Variants in ZNF577 observed in about 807,000 individuals in gnomAD.
ZNF577 encodes the protein zinc finger protein 577.
In ZNF577, 14 loss-of-function variants were observed where a neutral mutation model predicts 13.9. The observed-to-expected ratio is 1.00, with a 90% CI of 0.66 to 1.57. The LOEUF is 1.57. ZNF577 is among the 40% of genes most tolerant of loss of function. ZNF577 has a pLI of 0.00. For synonymous variants in ZNF577, 203 were observed against 202.9 expected (o/e 1.00, Z 0.00); for missense variants, 555 against 579.2 (o/e 0.96, Z 0.43).
In ZNF577 at chr19:51,828,645, A is replaced by AT. The variant is rs935710777; in HGVS notation, c.*599+11247dup. 2.7e-4 allele frequency among the ~76,000 whole-genome samples: 41 copies of AT among 150,606 alleles called. No individual in the cohort carries two copies. In the South Asian group the frequency reaches 3.6e-3, roughly 13 times the overall value. ...TATATTGTGGGTTCAGGAAACTGAG[A>AT]TTTTTTTTTTAAAGTTATGGGACAG... is the stretch of plus-strand genomic sequence containing the variant. On this transcript the variant is annotated intron_variant and NMD_transcript_variant, in intron 9 of 10. Transcript: ENST00000638827.
At chr19:51,834,804 CT>C (rs2084280185) in intron 9 of ZNF577, among the ~76,000 whole-genome samples, 1 of 152,160 alleles carries the variant, frequency 6.6e-6, no homozygotes, top group Non-Finnish European at 1.5e-5. Flanking sequence ...CTGCCTCAGC[CT>C]CCTGAATGGC....
intron 9 of ZNF577, among the ~76,000 whole-genome samples, chr19:51,837,456 T>G (rs2084294253): frequency 6.6e-6 from 1 of 152,164 alleles, no homozygotes; most frequent in African/African-American, 2.4e-5. Flanking sequence ...CTGTATGACC[T>G]CTAGACAGCA....
rs762362313 is a variant in ZNF577, at chr19:51,872,759, TCA to T, written c.1229_1230del (p.Val410GlufsTer20). On this transcript the variant is annotated frameshift_variant, in exon 6 of 6. Transcript: ENST00000638348. LOFTEE classifies it low-confidence loss of function (END_TRUNC). ...GAAGGCATTTCTATAGGTACTGTGT[TCA>T]CAGTCTTTTGCTCTTGTATGAGTTC... ...MSELIQEQKT[V>X]NTVPIEMPSS... The T allele has an allele frequency of 3.1e-6, 5 of 1,614,204 alleles. No homozygotes were observed. The highest frequency in any genetic ancestry group is 1.3e-5 in the African/African-American group (1 of 75,064).
chr19:51,872,814 T>C lies in ZNF577; in HGVS notation c.1176A>G (p.Ser392=), dbSNP rs780750137. ...TCATGTATAAGGAGGTATGACTCCT[T>C]GAGGAAGGTTTCTCCACCGTCAGTG... ...INSLTVEKPS[S]RSHTSLYMSE... is the part of the protein sequence containing the mutation. Residue 392 remains serine, a synonymous_variant, in exon 6 of 6, where the codon TCA becomes TCG. Transcript: ENST00000638348. The C allele has an allele frequency of 6.2e-6, 10 of 1,614,208 alleles. No individual in the cohort carries two copies. The highest frequency in any genetic ancestry group is 8.5e-6 in the Non-Finnish European group (10 of 1,180,028).
intron 5 of ZNF577, chr19:51,860,789 G>T: frequency 3.5e-6 from 1 of 288,908 alleles, no homozygotes; most frequent in South Asian, 3.0e-5. Flanking sequence ...GCTATAACAA[G>T]AAAGATAAAC....
intron 9 of ZNF577, among the ~76,000 whole-genome samples, chr19:51,834,801 A>G (rs1158753157): frequency 6.6e-6 from 1 of 152,128 alleles, no homozygotes; most frequent in East Asian, 1.9e-4. Context: ...CTCCTGCCTC[A>G]GCCTCCTGAA....
intron 9 of ZNF577, among the ~76,000 whole-genome samples, chr19:51,837,652 G>C (rs947893955): frequency 1.3e-5 from 2 of 151,964 alleles, no homozygotes; most frequent in Admixed American, 1.3e-4. Flanking sequence ...TGACGTTCTA[G>C]ATTACAAATA....
rs576420968 is a variant in ZNF577, at chr19:51,869,119, C to G, written c.*3413G>C. 6.6e-6 allele frequency among the ~76,000 whole-genome samples: 1 copy of G among 152,190 alleles called. No individual in the cohort carries two copies. The highest frequency in any genetic ancestry group is 2.1e-4 in the South Asian group (1 of 4,804). On this transcript the variant is annotated 3_prime_UTR_variant, in exon 6 of 6. Transcript: ENST00000638348. ...GGAAAGACCTGACCGTCCCCAAGCC[C>G]GATACCCATAAAGGGTCTGTGCTGA... is the stretch of plus-strand genomic sequence containing the variant.
chr19:51,867,370 G>A lies in ZNF577; in HGVS notation c.*5162C>T, dbSNP rs1318699114. Among the ~76,000 whole-genome samples, 3 of 151,862 alleles carry A rather than the reference G, an allele frequency of 2.0e-5. No homozygotes were observed. The highest frequency in any genetic ancestry group is 4.2e-4 in the South Asian group (2 of 4,808). On this transcript the variant is annotated 3_prime_UTR_variant, in exon 6 of 6. Transcript: ENST00000638348. ...ATTGTCTTTTCTGATTCTGAACATC[G>A]GACAAAAGATCTCTTTTCAAGAGAA...
rs1294534812 is a variant in ZNF577 at position 51,870,971 on chromosome 19, CAGG to C, written c.*1558_*1560del. Among the ~76,000 whole-genome samples the C allele has an allele frequency of 6.6e-6, 1 of 152,014 alleles. No homozygotes were observed. Among genetic ancestry groups the C allele is most frequent in the African/African-American group, 2.4e-5 (1 of 41,376 alleles). ...GTGCATCTTTTTTAGATATTTAAGG[CAGG>C]AGATTATATACATTAGACATTTACT... On this transcript the variant is annotated 3_prime_UTR_variant, in exon 6 of 6. Coordinates refer to ENST00000638348, the MANE Select transcript of ZNF577 (RefSeq NM_001370449.1).
intron 5 of ZNF577, among the ~76,000 whole-genome samples, chr19:51,848,197 G>T (rs112670199): frequency 2.6e-5 from 4 of 152,086 alleles, no homozygotes; most frequent in African/African-American, 9.7e-5. Context: ...GTAGGATTTC[G>T]GCACTTTCAA....
intron 5 of ZNF577, among the ~76,000 whole-genome samples, chr19:51,848,799 T>C (rs1467168783): frequency 6.6e-6 from 1 of 152,218 alleles, no homozygotes; most frequent in Admixed American, 6.5e-5. Flanking sequence ...TTATTTAAAG[T>C]TGATCTCTTC....
chr19:51,865,208 A>G (rs964258095), downstream of ZNF577, among the ~76,000 whole-genome samples: 11 of 152,088 alleles, frequency 7.2e-5, no homozygotes, highest in African/African-American at 2.7e-4. Context: ...GTGATTCTCC[A>G]ACCGCACCTC....
At chr19:51,845,428 A>G (rs148749562) in intron 5 of ZNF577, among the ~76,000 whole-genome samples, 1 of 152,070 alleles carries the variant, frequency 6.6e-6, no homozygotes, top group Non-Finnish European at 1.5e-5. Flanking sequence ...GGTGGAGGTT[A>G]TGGTCAGCGA....
chr19:51,875,859 A>G (rs571191630), intron 5 of ZNF577, among the ~76,000 whole-genome samples: 1 of 152,376 alleles, frequency 6.6e-6, no homozygotes, highest in East Asian at 1.9e-4. Flanking sequence ...ACCATGGCCT[A>G]CTGTGAAGTG....
intron 5 of ZNF577, chr19:51,860,806 T>G (rs1779651037): frequency 3.3e-6 from 1 of 299,144 alleles, no homozygotes; most frequent in African/African-American, 2.3e-5. Context: ...AAACATTAAC[T>G]GGGAAGACTT....
intron 9 of ZNF577, among the ~76,000 whole-genome samples, chr19:51,838,038 T>A (rs2084297496): frequency 6.6e-6 from 1 of 152,192 alleles, no homozygotes; most frequent in Admixed American, 6.5e-5. Context: ...GACCTTGAGA[T>A]CCTATGCAGA....
chr19:51,853,903 T>C (rs1288809230), intron 5 of ZNF577, among the ~76,000 whole-genome samples: 2 of 152,250 alleles, frequency 1.3e-5, no homozygotes, highest in East Asian at 3.9e-4. Context: ...ATGTCTGCTA[T>C]TTACCTTCAA....
intron 9 of ZNF577, among the ~76,000 whole-genome samples, chr19:51,832,194 G>A (rs2084264394): frequency 6.6e-6 from 1 of 151,970 alleles, no homozygotes; most frequent in Admixed American, 6.6e-5. Flanking sequence ...AAAGAGAGTG[G>A]GTATCCAGAA....
Sources: gnomAD v4.1 joint callset for allele counts (sites outside exome capture counted in the v4.1 genomes callset) on GRCh38, gnomAD v4.1.1 for gene constraint, MANE v1.5 for transcripts, NCBI Gene and HGNC (gene_info 2026-07-23, HGNC 2026-07-21) for gene names.